Variants in SPAG9 observed in about 807,000 individuals in gnomAD.
SPAG9 encodes the protein sperm associated antigen 9.
Under a neutral mutation model 166.5 loss-of-function variants are expected in SPAG9, and 35 were observed. The observed-to-expected ratio is 0.21, with a 90% CI of 0.16 to 0.28. SPAG9 has a LOEUF of 0.28. Ranked by LOEUF, SPAG9 falls within the 10% of genes least tolerant of loss-of-function variation. The probability of loss-of-function intolerance (pLI) is 1.00; values close to 1 mark genes in which losing one functional copy is unlikely to be tolerated. For synonymous variants in SPAG9, 534 were observed against 565.5 expected (o/e 0.94, Z 0.79); for missense variants, 1,235 against 1,603.3 (o/e 0.77, Z 3.92).
Position 51,120,260 on chromosome 17 carries a change from C to T in SPAG9, c.303+94G>A. The T allele has an allele frequency of 8.8e-7, 1 of 1,137,352 alleles. No individual in the cohort carries two copies. The highest frequency in any genetic ancestry group is 1.2e-6 in the Non-Finnish European group (1 of 845,996). The allele number at this position is 1,137,352 out of a possible 1,614,324, so 70.5% of individuals were successfully genotyped here. ...GGCCTCAGGCCCGCCCTCCAGGAGG[C>T]CCGTCGCGCCTCTAGTCCCCGACCG... On this transcript the variant is annotated intron_variant, in intron 1 of 29. Transcript: ENST00000262013. This position sits in a 1 kb window ranked among gnomAD's most constrained non-coding sequence, Gnocchi z 4.7.
In SPAG9 at chr17:50,979,901, T is replaced by G; in HGVS notation, c.3254A>C (p.His1085Pro). 6.2e-7 allele frequency: 1 copy of G among 1,613,086 alleles called. No individual in the cohort carries two copies. Among genetic ancestry groups the G allele is most frequent in the Non-Finnish European group, 8.5e-7 (1 of 1,179,134 alleles). Residue 1085 changes from histidine (H) to proline (P), a missense_variant, in exon 26 of 30, where the codon CAT becomes CCT. Physicochemically the swap from His to Pro is moderately conservative, Grantham distance 77. Around this residue, in one of 6 missense-constraint regions of SPAG9, gnomAD observed 243 missense variants for 358.6 expected, o/e 0.68. Coordinates refer to ENST00000262013, the MANE Select transcript of SPAG9 (RefSeq NM_001130528.3). ...AMKIEKSFDA[H>P]PRKESQVRQL... ...TCGCACTTGGCTCTCCTTCCTGGGATGTGCATCAAAAGATTTCTAGGAGAG... is the reference window on the plus strand; with the variant it reads ...TCGCACTTGGCTCTCCTTCCTGGGAGGTGCATCAAAAGATTTCTAGGAGAG...
chr17:50,973,974 T>G (rs560695146), intron 28 of SPAG9, among the ~76,000 whole-genome samples: 3 of 152,218 alleles, frequency 2.0e-5, no homozygotes, highest in Non-Finnish European at 4.4e-5. Context: ...TTGGTTCTGT[T>G]TCTCTGAAGA....
At chr17:50,990,221 G>C (rs139570037) in intron 20 of SPAG9, 5 of 536,966 alleles carry the variant, frequency 9.3e-6, no homozygotes, top group East Asian at 3.4e-5. Context: ...GTACAGACAG[G>C]GTTTCACTGT....
At chr17:51,020,071 TC>T (rs2045879841) in intron 8 of SPAG9, 87 bp downstream of exon 8, 1 of 726,068 alleles carries the variant, frequency 1.4e-6, no homozygotes, top group African/African-American at 1.8e-5. Flanking sequence ...AACATCTGAA[TC>T]CATTTTGTCC....
At chr17:50,989,202 G>A (rs1357514707) in intron 21 of SPAG9, among the ~76,000 whole-genome samples, 1 of 152,174 alleles carries the variant, frequency 6.6e-6, no homozygotes, top group East Asian at 1.9e-4. Context: ...AGTACCTTGT[G>A]CATGTTTACA....
At chr17:51,040,759 G>C (rs955772760) in intron 5 of SPAG9, among the ~76,000 whole-genome samples, 1 of 152,124 alleles carries the variant, frequency 6.6e-6, no homozygotes, top group Non-Finnish European at 1.5e-5. Context: ...GAAAAATAAA[G>C]CAGGAAAAGG....
intron 8 of SPAG9, among the ~76,000 whole-genome samples, chr17:51,018,915 G>A (rs539259493): frequency 1.3e-5 from 2 of 152,228 alleles, no homozygotes; most frequent in Admixed American, 6.5e-5. Context: ...GATATGTCTT[G>A]GCTGTCTTTT....
intron 3 of SPAG9, among the ~76,000 whole-genome samples, chr17:51,049,127 C>T (rs923778729): frequency 2.6e-5 from 4 of 152,072 alleles, no homozygotes; most frequent in African/African-American, 9.7e-5. Context: ...GCCTGTAATC[C>T]CAGCACTTTG....
At chr17:51,064,706 G>A (rs1200858597) in intron 2 of SPAG9, among the ~76,000 whole-genome samples, 1 of 152,192 alleles carries the variant, frequency 6.6e-6, no homozygotes, top group African/African-American at 2.4e-5. Context: ...AAAAGCAGAA[G>A]TAAGTGTAAC....
At chr17:51,017,220 C>A (rs1185877590) in intron 8 of SPAG9, among the ~76,000 whole-genome samples, 1 of 152,168 alleles carries the variant, frequency 6.6e-6, no homozygotes, top group Non-Finnish European at 1.5e-5. Context: ...GAATCCTATT[C>A]TAGACGCACA....
chr17:51,089,354 G>A (rs1420506176), intron 1 of SPAG9, among the ~76,000 whole-genome samples: 1 of 151,552 alleles, frequency 6.6e-6, no homozygotes, highest in Non-Finnish European at 1.5e-5. Context: ...AACCCAAGAG[G>A]TAGAGGTTGC....
At chr17:51,066,022 C>T (rs906372980) in intron 2 of SPAG9, among the ~76,000 whole-genome samples, 12 of 152,080 alleles carry the variant, frequency 7.9e-5, no homozygotes, top group Non-Finnish European at 1.5e-4. Flanking sequence ...CTACAGTTAG[C>T]TTAACATATA....
At chr17:51,052,865 G>A (rs1165017028) in intron 3 of SPAG9, among the ~76,000 whole-genome samples, 1 of 151,302 alleles carries the variant, frequency 6.6e-6, no homozygotes, top group Non-Finnish European at 1.5e-5. Flanking sequence ...TCGAGATCAG[G>A]CTGGCCAACA....
At chr17:51,095,673 TATATATATATAGTGATATATATATAGTG>T (rs1173981017) in intron 1 of SPAG9, among the ~76,000 whole-genome samples, 13 of 127,560 alleles carry the variant, frequency 1.0e-4, no homozygotes, top group African/African-American at 5.9e-4. Flanking sequence ...AAAATGTGTA[TATATATATATAGTGATATATATATAGTG>T]ATATATATAG....
intron 2 of SPAG9, among the ~76,000 whole-genome samples, chr17:51,071,083 A>T (rs560705827): frequency 3.2e-4 from 48 of 152,170 alleles, no homozygotes; most frequent in African/African-American, 9.6e-4. Flanking sequence ...CCCCCACTAA[A>T]CTATGATTTC....
At chr17:51,079,490 C>T (rs1474304460) in intron 2 of SPAG9, 94 bp downstream of exon 2, 12 of 1,182,630 alleles carry the variant, frequency 1.0e-5, no homozygotes, top group East Asian at 2.4e-5. Context: ...CCTCCTACCT[C>T]GGCCTCCCAA....
chr17:51,079,207 T>G (rs1272894693), intron 2 of SPAG9, among the ~76,000 whole-genome samples: 2 of 145,632 alleles, frequency 1.4e-5, no homozygotes, highest in Non-Finnish European at 3.0e-5. Context: ...TCAGGATGAG[T>G]CATTGCACCA....
chr17:51,036,730 T>C (rs2046600003), intron 5 of SPAG9, among the ~76,000 whole-genome samples: 1 of 152,090 alleles, frequency 6.6e-6, no homozygotes, highest in Non-Finnish European at 1.5e-5. Flanking sequence ...TACACCAGGC[T>C]ACCCCATATG....
chr17:50,985,769 G>T lies in SPAG9; in HGVS notation c.2949C>A (p.Val983=). 1 of 1,599,982 alleles carries T rather than the reference G, an allele frequency of 6.3e-7. No homozygotes were observed. Among genetic ancestry groups the T allele is most frequent in the South Asian group, 1.1e-5 (1 of 90,378 alleles). ...WLGAQNGCLY[V]HSSVAQWRKC... is the part of the protein sequence containing the mutation. Reference sequence around the variant, plus strand: ...TCCTCCACTGGGCTACAGATGAATGGACATACAAACTGTAAGAACAAAGTC... The same window carrying T: ...TCCTCCACTGGGCTACAGATGAATGTACATACAAACTGTAAGAACAAAGTC... The change falls in exon 23 of 30, where the codon GTC becomes GTA. Residue 983 remains valine, a synonymous_variant. Transcript: ENST00000262013.
Sources: allele counts gnomAD v4.1 joint callset (sites outside exome capture counted in the v4.1 genomes callset), GRCh38; gene constraint gnomAD v4.1.1; regional missense constraint gnomAD v4.1.1; non-coding constraint Gnocchi (gnomAD v3.1); transcripts MANE v1.5; gene names NCBI Gene and HGNC (gene_info 2026-07-23, HGNC 2026-07-21).